The following KANSL1 variants were observed in gnomAD, a reference collection of about 807,000 sequenced individuals.
KANSL1 encodes the protein MLL1/MLL complex subunit KANSL1.
A neutral mutation model predicts 103.6 loss-of-function variants in KANSL1; 22 were observed. The ratio of observed to expected loss-of-function variants is 0.21; its 90% CI spans 0.15 to 0.30. The LOEUF (loss-of-function observed/expected upper bound fraction) is 0.30, where lower values mean the gene tolerates loss of function less well. Among genes scored for constraint, KANSL1 ranks in the 10% least tolerant of loss-of-function variants. The probability of loss-of-function intolerance (pLI) is 1.00; values close to 1 mark genes in which losing one functional copy is unlikely to be tolerated. For synonymous variants in KANSL1, 600 were observed against 527.6 expected (o/e 1.14, Z -1.88); for missense variants, 1,337 against 1,399.8 (o/e 0.96, Z 0.72).
intron 1 of KANSL1, among the ~76,000 whole-genome samples, chr17:46,215,565 G>A (rs1329036948): frequency 1.3e-5 from 2 of 152,170 alleles, no homozygotes; most frequent in African/African-American, 4.8e-5. Flanking sequence ...GGAGAAGTAG[G>A]ATGACTAGGA....
At chr17:46,196,667 A>G (rs1351292341), upstream of KANSL1, 2 of 295,824 alleles carry the variant, frequency 6.8e-6, no homozygotes, top group East Asian at 9.8e-5. Flanking sequence ...ACATTTATTA[A>G]TTGCTTAAGC....
At chr17:46,187,382 G>T (rs1462562857) in intron 1 of KANSL1, among the ~76,000 whole-genome samples, 3 of 152,224 alleles carry the variant, frequency 2.0e-5, no homozygotes, top group Non-Finnish European at 4.4e-5. Context: ...CCAAATAAGA[G>T]CAGAATCTGC....
intron 2 of KANSL1, among the ~76,000 whole-genome samples, chr17:46,120,464 T>A (rs1437760741): frequency 1.3e-5 from 2 of 152,024 alleles, no homozygotes; most frequent in Non-Finnish European, 2.9e-5. Flanking sequence ...AGAAAGGAGG[T>A]CTACTGTGGA....
At chr17:46,047,986 C>A (rs982204447) in intron 7 of KANSL1, among the ~76,000 whole-genome samples, 4 of 151,036 alleles carry the variant, frequency 2.6e-5, no homozygotes, top group African/African-American at 4.9e-5. Flanking sequence ...TGGCTCACTG[C>A]GGCCAAGACT....
chr17:46,076,565 C>G (rs2078780545), intron 4 of KANSL1, among the ~76,000 whole-genome samples: 1 of 150,158 alleles, frequency 6.7e-6, no homozygotes, highest in Admixed American at 6.7e-5. Flanking sequence ...ACTTGAAAAT[C>G]AATGTTCAAT....
intron 1 of KANSL1, among the ~76,000 whole-genome samples, chr17:46,183,099 T>G (rs1416455895): frequency 6.6e-6 from 1 of 152,180 alleles, no homozygotes; most frequent in Non-Finnish European, 1.5e-5. Flanking sequence ...CAGAAAATGC[T>G]TTTCAGAAAA....
intron 2 of KANSL1, among the ~76,000 whole-genome samples, chr17:46,110,171 G>C (rs755903557): frequency 2.0e-5 from 3 of 152,188 alleles, no homozygotes; most frequent in African/African-American, 7.2e-5. Context: ...TTATGTGTTT[G>C]AATAAGGGTA....
At chr17:46,090,610 A>G (rs2146907790) in intron 3 of KANSL1, among the ~76,000 whole-genome samples, 1 of 152,382 alleles carries the variant, frequency 6.6e-6, no homozygotes, top group South Asian at 2.1e-4. Flanking sequence ...AGCCACGATT[A>G]GAAACAAAAA....
chr17:46,106,908 G>A (rs1332814018), intron 2 of KANSL1, among the ~76,000 whole-genome samples: 2 of 152,022 alleles, frequency 1.3e-5, no homozygotes, highest in African/African-American at 4.8e-5. Context: ...CTTTCTCCCA[G>A]CTCATCCCTG....
chr17:46,137,539 A>G (rs1232806936), intron 2 of KANSL1, among the ~76,000 whole-genome samples: 2 of 152,232 alleles, frequency 1.3e-5, no homozygotes, highest in Non-Finnish European at 2.9e-5. Context: ...AAAAGTTTTC[A>G]GTGTGCACTT....
At chr17:46,057,926 C>G (rs769448662) in intron 6 of KANSL1, among the ~76,000 whole-genome samples, 32 of 152,174 alleles carry the variant, frequency 2.1e-4, no homozygotes, top group Admixed American at 5.2e-4. Context: ...AACCAGAAAA[C>G]TGGACAACAG....
intron 2 of KANSL1, among the ~76,000 whole-genome samples, chr17:46,108,086 C>A (rs1322342794): frequency 6.6e-6 from 1 of 152,202 alleles, no homozygotes; most frequent in Non-Finnish European, 1.5e-5. Flanking sequence ...TAGCAGCCAG[C>A]CTAATATTGT....
intron 2 of KANSL1, among the ~76,000 whole-genome samples, chr17:46,140,810 CA>C (rs1236005813): frequency 6.6e-6 from 1 of 152,176 alleles, no homozygotes; most frequent in Admixed American, 6.5e-5. Context: ...AAATTAAAAT[CA>C]AAACCACAAT....
At chr17:46,175,086 A>T (rs2147780310) in intron 1 of KANSL1, among the ~76,000 whole-genome samples, 1 of 152,360 alleles carries the variant, frequency 6.6e-6, no homozygotes, top group East Asian at 1.9e-4. Context: ...TCACTGGACT[A>T]AGCACCCCCC....
At chr17:46,034,450 C>T (rs192844011) in intron 10 of KANSL1, 165 bp from the exon 11 acceptor site, 276 of 635,954 alleles carry the variant, frequency 4.3e-4, no homozygotes, top group Non-Finnish European at 5.3e-5. Context: ...CAGTCTCCAA[C>T]AGCAAAAAAC....
chr17:46,133,185 G>A (rs1169140033), intron 2 of KANSL1, among the ~76,000 whole-genome samples: 1 of 152,094 alleles, frequency 6.6e-6, no homozygotes, highest in Non-Finnish European at 1.5e-5. Flanking sequence ...ATTTTTAATG[G>A]GCAAAATTAA....
chr17:46,117,837 T>A (rs2043110527), intron 2 of KANSL1, among the ~76,000 whole-genome samples: 1 of 152,236 alleles, frequency 6.6e-6, no homozygotes. Context: ...TACAGATTTC[T>A]TTATATAAAA....
intron 2 of KANSL1, among the ~76,000 whole-genome samples, chr17:46,150,208 T>C (rs1051618190): frequency 3.3e-5 from 5 of 151,602 alleles, no homozygotes; most frequent in African/African-American, 1.2e-4. Flanking sequence ...TGGCTGCTTA[T>C]ACTGCTCTAA....
chr17:46,202,823 A>G (rs1184655300), intron 1 of KANSL1, among the ~76,000 whole-genome samples: 8 of 152,234 alleles, frequency 5.3e-5, no homozygotes, highest in Non-Finnish European at 1.2e-4. Flanking sequence ...AATTCTCACT[A>G]TCACATTTAA....
Sources: gnomAD v4.1 joint callset for allele counts (sites outside exome capture counted in the v4.1 genomes callset) on GRCh38, gnomAD v4.1.1 for gene constraint, MANE v1.5 for transcripts, NCBI Gene and HGNC (gene_info 2026-07-23, HGNC 2026-07-21) for gene names.